Variants in HIPK1 observed in about 807,000 individuals in gnomAD.
HIPK1 encodes the protein homeodomain-interacting protein kinase 1.
HIPK1 carries 28 observed loss-of-function variants against 117.1 expected under a neutral mutation model. The ratio of observed to expected loss-of-function variants is 0.24; its 90% CI spans 0.18 to 0.33. The LOEUF is 0.33. Among genes scored for constraint, HIPK1 ranks in the 10% least tolerant of loss-of-function variants. HIPK1 has a pLI of 1.00. For synonymous variants in HIPK1, 605 were observed against 562.5 expected (o/e 1.08, Z -1.07); for missense variants, 1,122 against 1,475.1 (o/e 0.76, Z 3.92).
At chr1:113,960,169 G>A (rs1177672726) in intron 8 of HIPK1, among the ~76,000 whole-genome samples, 5 of 152,104 alleles carry the variant, frequency 3.3e-5, no homozygotes. Flanking sequence ...TATACTTACA[G>A]GAGGATAGAT....
intron 8 of HIPK1, among the ~76,000 whole-genome samples, chr1:113,958,561 T>C (rs1671880804): frequency 6.6e-6 from 1 of 152,222 alleles, no homozygotes; most frequent in African/African-American, 2.4e-5. Flanking sequence ...TGAGTCCTTG[T>C]GTCAATGTCG....
intron 3 of HIPK1, among the ~76,000 whole-genome samples, chr1:113,954,205 C>T (rs145154473): frequency 4.6e-5 from 7 of 152,156 alleles, no homozygotes; most frequent in Non-Finnish European, 1.0e-4. Flanking sequence ...TCAAGCTATC[C>T]TCCTACCTTG....
intron 1 of HIPK1, among the ~76,000 whole-genome samples, chr1:113,936,468 AT>A (rs1239064525): frequency 2.0e-5 from 3 of 151,580 alleles, no homozygotes; most frequent in African/African-American, 4.8e-5. Context: ...CTAGTTACGA[AT>A]CCTTTTTTTT....
At position 113,974,308 on chromosome 1, in the gene HIPK1, T is replaced by C. The variant is rs1673028165; in HGVS notation, c.*796T>C. On this transcript the variant is annotated 3_prime_UTR_variant, in exon 16 of 16. Transcript: ENST00000426820. The stretch of plus-strand genomic sequence containing the variant: ...TTTAAATGAAGCACCATGAATTCTT[T>C]TTTAAATTATTTTTTAAAAGTCTTT... The C allele has an allele frequency of 6.5e-6, 1 of 152,798 alleles. No homozygotes were observed. Among genetic ancestry groups the C allele is most frequent in the African/African-American group, 2.4e-5 (1 of 41,460 alleles). 9.5% of individuals were successfully genotyped at this position (152,798 alleles called of 1,614,324 possible).
chr1:113,957,986 C>T, intron 7 of HIPK1, 80 bp from the exon 8 acceptor site: 1 of 1,040,690 alleles, frequency 9.6e-7, no homozygotes, highest in Admixed American at 2.0e-5. Context: ...CTACGTTTTT[C>T]TGGATAAATT....
At chr1:113,932,679 T>G (rs1228142199) in intron 1 of HIPK1, among the ~76,000 whole-genome samples, 1 of 152,196 alleles carries the variant, frequency 6.6e-6, no homozygotes, top group Non-Finnish European at 1.5e-5. Context: ...ATGCCTGGCC[T>G]GGATCGCCTT....
At chr1:113,934,146 T>G (rs978404316) in intron 1 of HIPK1, among the ~76,000 whole-genome samples, 3 of 152,160 alleles carry the variant, frequency 2.0e-5, no homozygotes, top group Non-Finnish European at 4.4e-5. Flanking sequence ...TATAGTACAG[T>G]TTTTAGGTCA....
At chr1:113,972,814 G>A (rs1467301196) in intron 15 of HIPK1, among the ~76,000 whole-genome samples, 1 of 152,166 alleles carries the variant, frequency 6.6e-6, no homozygotes, top group Non-Finnish European at 1.5e-5. Flanking sequence ...CAAGCAAAAT[G>A]CTGTTACCTG....
intron 14 of HIPK1, among the ~76,000 whole-genome samples, chr1:113,970,875 G>A (rs1184212707): frequency 6.6e-6 from 1 of 152,162 alleles, no homozygotes; most frequent in African/African-American, 2.4e-5. Context: ...TGTGAAGGAG[G>A]CACACACATG....
At chr1:113,944,221 G>C (rs952801362) in intron 2 of HIPK1, among the ~76,000 whole-genome samples, 1 of 126,316 alleles carries the variant, frequency 7.9e-6, no homozygotes, top group Non-Finnish European at 1.6e-5. Flanking sequence ...GCCTAGGCTG[G>C]AGTGCAGTGG....
chr1:113,972,743 T>A (rs1257885670), intron 15 of HIPK1, among the ~76,000 whole-genome samples: 3 of 152,324 alleles, frequency 2.0e-5, no homozygotes, highest in African/African-American at 7.2e-5. Flanking sequence ...TCACCAGTTA[T>A]TAACTTGCAG....
intron 1 of HIPK1, among the ~76,000 whole-genome samples, chr1:113,936,932 C>A (rs1419553902): frequency 6.6e-6 from 1 of 152,044 alleles, no homozygotes; most frequent in Non-Finnish European, 1.5e-5. Context: ...TAATGGAAAA[C>A]AAATTTAGAA....
rs1284075375 is a variant in HIPK1 at position 113,963,443 on chromosome 1, A to C, written c.2160A>C (p.Thr720=). ...TCCACCCTCAAGTAGCCACCATCAC[A>C]CCGCAGTATGCGGTGCCCTTTACTC... ...ATLHPQVATI[T]PQYAVPFTLS... is the part of the protein sequence containing the mutation. Residue 720 remains threonine, a synonymous_variant, in exon 10 of 16, where the codon ACA becomes ACC. Coordinates refer to ENST00000426820, the MANE Select transcript of HIPK1 (RefSeq NM_198268.3). The C allele has an allele frequency of 6.2e-7, 1 of 1,613,998 alleles. No individual in the cohort carries two copies. The highest frequency in any genetic ancestry group is 8.5e-7 in the Non-Finnish European group (1 of 1,180,018).
intron 8 of HIPK1, among the ~76,000 whole-genome samples, chr1:113,959,725 C>T (rs764611811): frequency 6.6e-6 from 1 of 152,042 alleles, no homozygotes; most frequent in South Asian, 2.1e-4. Context: ...TTTTTCCTAT[C>T]TAGGAAGTAT....
At chr1:113,960,864 TTACTG>T (rs1302308049) in intron 8 of HIPK1, among the ~76,000 whole-genome samples, 5 of 152,188 alleles carry the variant, frequency 3.3e-5, no homozygotes, top group African/African-American at 1.2e-4. Context: ...TACTCATAAA[TTACTG>T]AAGTGGAAAA....
At chr1:113,959,836 T>C (rs188486315) in intron 8 of HIPK1, among the ~76,000 whole-genome samples, 7 of 152,342 alleles carry the variant, frequency 4.6e-5, no homozygotes, top group African/African-American at 1.4e-4. Flanking sequence ...TGTATTACTA[T>C]ATGCCAGATA....
At chr1:113,938,909 C>CA (rs55998621) in intron 1 of HIPK1, among the ~76,000 whole-genome samples, 189 of 25,310 alleles carry the variant, frequency 7.5e-3, no homozygotes, top group African/African-American at 0.026. Flanking sequence ...GACTCTGTCT[C>CA]AAAAAAAAAA....
Position 113,972,948 on chromosome 1 carries a change from G to C in HIPK1, c.3145-76G>C, listed in dbSNP as rs184945484. The stretch of plus-strand genomic sequence containing the variant: ...TCGAAAACAGTACAAGTCAGAACCT[G>C]AGCTCTTAACTTGGCCTTTGGTGCC... On this transcript the variant is annotated intron_variant, in intron 15 of 15. Coordinates refer to ENST00000426820, the MANE Select transcript of HIPK1 (RefSeq NM_198268.3). 2.2e-4 allele frequency: 316 copies of C among 1,464,516 alleles called. 2 individuals are homozygous for C. The African/African-American group carries it at 4.0e-3, about 19-fold the overall frequency. 90.7% of individuals were successfully genotyped at this position (1,464,516 alleles called of 1,614,324 possible). A position where few individuals can be genotyped will look rare whatever the true frequency, so the allele number is the denominator to read the frequency against.
chr1:113,958,613 A>G (rs558328433), intron 8 of HIPK1, among the ~76,000 whole-genome samples: 2 of 152,232 alleles, frequency 1.3e-5, no homozygotes, highest in Non-Finnish European at 2.9e-5. Context: ...TGCAAAATCT[A>G]TACAACTTGA....
Sources: allele counts gnomAD v4.1 joint callset (sites outside exome capture counted in the v4.1 genomes callset), GRCh38; gene constraint gnomAD v4.1.1; transcripts MANE v1.5; gene names NCBI Gene and HGNC (gene_info 2026-07-23, HGNC 2026-07-21).